The following RAB38 variants were observed in gnomAD, a reference collection of about 807,000 sequenced individuals.
RAB38 encodes the protein RAB38, member RAS oncogene family, also known as ras-related protein Rab-38.
Under a neutral mutation model 18.4 loss-of-function variants are expected in RAB38, and 15 were observed. The observed-to-expected ratio is 0.82, with a 90% confidence interval of 0.55 to 1.26. The LOEUF is 1.26. Ranked by LOEUF, RAB38 falls within the 50% of genes most tolerant of loss-of-function variation. RAB38 has a pLI of 0.00. For missense variants in RAB38, 294 were observed against 267.4 expected, an observed-to-expected ratio of 1.10 and a Z score of -0.69; for synonymous variants, 101 against 104.4, an observed-to-expected ratio of 0.97 and a Z score of 0.20.
chr11:88,101,299 T>C, the RAB38 span, among the ~76,000 whole-genome samples: 2 of 152,014 alleles, frequency 1.3e-5, no homozygotes, highest in Non-Finnish European at 2.9e-5. Flanking sequence ...CAATTTAACT[T>C]CTAAGAATCT....
the RAB38 span, among the ~76,000 whole-genome samples, chr11:88,004,331 A>T: frequency 1.3e-5 from 2 of 151,212 alleles, no homozygotes; most frequent in Middle Eastern, 3.4e-3. Flanking sequence ...GTTTGATATA[A>T]CTTTTGGAAA....
the RAB38 span, among the ~76,000 whole-genome samples, chr11:88,093,326 A>G: frequency 6.6e-6 from 1 of 151,928 alleles, no homozygotes; most frequent in Non-Finnish European, 1.5e-5. Context: ...GCAAATCCAT[A>G]GAGAAAAATG....
chr11:88,049,091 G>A, the RAB38 span, among the ~76,000 whole-genome samples: 2 of 151,742 alleles, frequency 1.3e-5, no homozygotes, highest in Non-Finnish European at 2.9e-5. Context: ...AGGTTCCCAC[G>A]CCGCCCCTAA....
chr11:87,868,578 GGAGAGAGAGAGAGAGA>G, the RAB38 span, among the ~76,000 whole-genome samples: 41 of 59,246 alleles, frequency 6.9e-4, no homozygotes, highest in African/African-American at 2.1e-3. Context: ...AAGGAGTGAG[GGAGAGAGAGAGAGAGA>G]GAGAGAGAGA....
chr11:88,047,819 A>C, the RAB38 span, among the ~76,000 whole-genome samples: 1 of 152,162 alleles, frequency 6.6e-6, no homozygotes, highest in East Asian at 1.9e-4. Flanking sequence ...TTTCCTTCTC[A>C]TCTGGCCACT....
chr11:87,838,802 T>C, the RAB38 span, among the ~76,000 whole-genome samples: 24 of 152,208 alleles, frequency 1.6e-4, no homozygotes, highest in Admixed American at 7.2e-4. Context: ...TCTGTTAACT[T>C]TAAAAATATC....
the RAB38 span, among the ~76,000 whole-genome samples, chr11:87,878,302 CTATCATCTATCTATCATCTATCAATCT>C: frequency 7.8e-6 from 1 of 128,360 alleles, no homozygotes; most frequent in East Asian, 2.1e-4. Context: ...ATCTATCTAC[CTATCATCTATCTATCATCTATCAATCT>C]ATCATCTATC....
intron 2 of RAB38, among the ~76,000 whole-genome samples, chr11:88,137,188 A>G (rs1332508872): frequency 1.3e-5 from 2 of 152,228 alleles, no homozygotes; most frequent in Non-Finnish European, 2.9e-5. Flanking sequence ...CAATCACCAT[A>G]GCCACTATTC....
chr11:88,014,169 T>C, the RAB38 span, among the ~76,000 whole-genome samples: 1 of 152,174 alleles, frequency 6.6e-6, no homozygotes. Context: ...CTTAATGCAG[T>C]TACTTATATA....
At chr11:88,161,210 T>C (rs956240353) in intron 1 of RAB38, among the ~76,000 whole-genome samples, 2 of 152,104 alleles carry the variant, frequency 1.3e-5, no homozygotes, top group African/African-American at 2.4e-5. Context: ...CCAAGTCCCA[T>C]TGGACTACTT....
intron 2 of RAB38, among the ~76,000 whole-genome samples, chr11:88,139,235 A>G (rs1375247110): frequency 6.6e-6 from 1 of 152,206 alleles, no homozygotes; most frequent in African/African-American, 2.4e-5. Context: ...AAAATGAAAT[A>G]CCCAGGAGTT....
chr11:88,089,446 C>T, the RAB38 span, among the ~76,000 whole-genome samples: 1,164 of 151,986 alleles, frequency 7.7e-3, 8 homozygotes, highest in Middle Eastern at 0.014. Flanking sequence ...AAAATAATTT[C>T]CAGAAGAGAG....
chr11:87,909,428 C>T, the RAB38 span, among the ~76,000 whole-genome samples: 1 of 151,868 alleles, frequency 6.6e-6, no homozygotes. Context: ...TAGGTGGAGC[C>T]CCAGAATATT....
chr11:88,034,802 A>G, the RAB38 span, among the ~76,000 whole-genome samples: 2 of 152,328 alleles, frequency 1.3e-5, no homozygotes, highest in Non-Finnish European at 2.9e-5. Context: ...TTATTCTTCT[A>G]TGAACATTCT....
the RAB38 span, among the ~76,000 whole-genome samples, chr11:88,075,244 A>C: frequency 1.3e-5 from 2 of 152,190 alleles, no homozygotes; most frequent in African/African-American, 4.8e-5. Flanking sequence ...TGCAAAATAC[A>C]CATTCTTTTC....
the RAB38 span, among the ~76,000 whole-genome samples, chr11:88,106,611 G>A: frequency 6.6e-6 from 1 of 152,050 alleles, no homozygotes; most frequent in Non-Finnish European, 1.5e-5. Context: ...CCTGTGCCTG[G>A]AGGTTGATAT....
chr11:88,053,159 TAC>T, the RAB38 span, among the ~76,000 whole-genome samples: 3 of 111,938 alleles, frequency 2.7e-5, no homozygotes, highest in South Asian at 2.6e-4. Flanking sequence ...AATATATATA[TAC>T]ACACATATAT....
chr11:87,858,460 G>A, the RAB38 span, among the ~76,000 whole-genome samples: 1 of 152,028 alleles, frequency 6.6e-6, no homozygotes, highest in East Asian at 1.9e-4. Flanking sequence ...CAAGCAGATT[G>A]TTCCTGAAGA....
At chr11:87,828,525 A>G in the RAB38 span, among the ~76,000 whole-genome samples, 1 of 152,162 alleles carries the variant, frequency 6.6e-6, no homozygotes, top group South Asian at 2.1e-4. Context: ...ATGATAGGAA[A>G]GCAGTGGTGA....
Sources: gnomAD v4.1 joint callset for allele counts (sites outside exome capture counted in the v4.1 genomes callset) on GRCh38, gnomAD v4.1.1 for gene constraint, MANE v1.5 for transcripts, NCBI Gene and HGNC (gene_info 2026-07-23, HGNC 2026-07-21) for gene names.